The following EYA4 variants were observed in gnomAD, a reference collection of about 807,000 sequenced individuals.
EYA4 encodes protein phosphatase EYA4.
A neutral mutation model predicts 87.9 loss-of-function variants in EYA4; 31 were observed. That is an observed-to-expected ratio of 0.35 (90% CI 0.27 to 0.48). The LOEUF (loss-of-function observed/expected upper bound fraction) is 0.48. Ranked by LOEUF, EYA4 falls within the 20% of genes least tolerant of loss-of-function variation. The pLI, the probability that EYA4 is intolerant of heterozygous loss-of-function variation, is 0.99. For missense variants in EYA4, 678 were observed against 761.4 expected (o/e 0.89, Z 1.29); for synonymous variants, 263 against 270.6 (o/e 0.97, Z 0.28).
chr6:133,366,035 A>T (rs1471777651), intron 2 of EYA4, among the ~76,000 whole-genome samples: 3 of 152,212 alleles, frequency 2.0e-5, no homozygotes, highest in African/African-American at 7.2e-5. Context: ...ACAGTTTTAG[A>T]GGAGAGAAAC....
intron 13 of EYA4, among the ~76,000 whole-genome samples, chr6:133,492,209 ACAAAATACTAG>A (rs1562483572): frequency 6.6e-6 from 1 of 152,208 alleles, no homozygotes; most frequent in East Asian, 1.9e-4. Flanking sequence ...AAAATCCTCA[ACAAAATACTAG>A]CAAACTGAAT....
intron 2 of EYA4, among the ~76,000 whole-genome samples, chr6:133,310,682 G>A (rs1582917995): frequency 6.6e-6 from 1 of 152,252 alleles, no homozygotes; most frequent in East Asian, 1.9e-4. Flanking sequence ...AGGAGTCTTG[G>A]GGAAAACTAA....
intron 2 of EYA4, among the ~76,000 whole-genome samples, chr6:133,323,139 G>C (rs562057581): frequency 6.6e-6 from 1 of 151,478 alleles, no homozygotes; most frequent in Non-Finnish European, 1.5e-5. Flanking sequence ...TGAATAACAG[G>C]CTTTAAATTT....
chr6:133,300,377 A>G (rs1779308386), intron 2 of EYA4, among the ~76,000 whole-genome samples: 1 of 152,148 alleles, frequency 6.6e-6, no homozygotes, highest in Admixed American at 6.5e-5. Context: ...ATATTAATGT[A>G]ATGAGAGTAA....
intron 3 of EYA4, among the ~76,000 whole-genome samples, chr6:133,387,857 A>T (rs1285736122): frequency 6.6e-6 from 1 of 151,990 alleles, no homozygotes; most frequent in Non-Finnish European, 1.5e-5. Flanking sequence ...TCTTTTCATC[A>T]TTTTTGGCTG....
intron 2 of EYA4, among the ~76,000 whole-genome samples, chr6:133,364,917 G>A (rs1403763561): frequency 8.3e-4 from 126 of 152,294 alleles, no homozygotes; most frequent in Non-Finnish European, 1.9e-4. Context: ...GGCCCAGTTA[G>A]GGATCATCCT....
chr6:133,337,570 A>G (rs981196523), intron 2 of EYA4, among the ~76,000 whole-genome samples: 2 of 152,152 alleles, frequency 1.3e-5, no homozygotes, highest in African/African-American at 2.4e-5. Context: ...TGTCATTTGT[A>G]TATATTGGGT....
intron 3 of EYA4, among the ~76,000 whole-genome samples, chr6:133,445,747 T>A (rs972489394): frequency 6.6e-6 from 1 of 151,856 alleles, no homozygotes; most frequent in East Asian, 1.9e-4. Flanking sequence ...CCCGGCTGAT[T>A]TTTTTTGTAT....
chr6:133,472,541 G>A (rs1174627500), intron 11 of EYA4, among the ~76,000 whole-genome samples: 1 of 61,364 alleles, frequency 1.6e-5, no homozygotes, highest in Non-Finnish European at 2.7e-5. Flanking sequence ...GAATAGGTGT[G>A]GTGTGGTGCT....
chr6:133,407,980 A>G (rs185254150), intron 3 of EYA4, among the ~76,000 whole-genome samples: 1 of 152,288 alleles, frequency 6.6e-6, no homozygotes, highest in Non-Finnish European at 1.5e-5. Flanking sequence ...CCTGACTTAC[A>G]TTAAGAGCTG....
rs143967265 is a variant in EYA4 at position 133,439,988 on chromosome 6, C to T, written c.84-6642C>T. ...TTTGGACGATACACTTTTTACTGCA[C>T]AAGGGCTAACCTCACTTATTTTCTT... On this transcript the variant is annotated intron_variant, in intron 3 of 19. Coordinates refer to ENST00000355286, the MANE Select transcript of EYA4 (RefSeq NM_004100.5). Among the ~76,000 whole-genome samples, 430 of 152,326 alleles carry T rather than the reference C, an allele frequency of 2.8e-3. 3 individuals are homozygous for T. The highest frequency in any genetic ancestry group is 0.01 in the African/African-American group (416 of 41,572).
At chr6:133,348,642 G>A (rs1783404673) in intron 2 of EYA4, among the ~76,000 whole-genome samples, 1 of 152,046 alleles carries the variant, frequency 6.6e-6, no homozygotes, top group Non-Finnish European at 1.5e-5. Context: ...TTATAGGGAA[G>A]ATTCACACTT....
At chr6:133,407,957 G>C (rs993915842) in intron 3 of EYA4, among the ~76,000 whole-genome samples, 1 of 152,084 alleles carries the variant, frequency 6.6e-6, no homozygotes, top group South Asian at 2.1e-4. Context: ...AGTATGGGGG[G>C]AAGAAAAGGA....
chr6:133,252,091 T>A (rs1311122892), intron 1 of EYA4, among the ~76,000 whole-genome samples: 1 of 152,248 alleles, frequency 6.6e-6, no homozygotes, highest in Admixed American at 6.5e-5. Context: ...TAAATATTTA[T>A]TTGAATCATC....
intron 18 of EYA4, 44 bp downstream of exon 18, chr6:133,523,221 T>A (rs1315577085): frequency 6.3e-7 from 1 of 1,594,706 alleles, no homozygotes; most frequent in East Asian, 2.2e-5. Flanking sequence ...TGTCCACATC[T>A]GTGTGTCTCT....
intron 3 of EYA4, among the ~76,000 whole-genome samples, chr6:133,392,230 G>A (rs1266459481): frequency 6.6e-6 from 1 of 151,956 alleles, no homozygotes; most frequent in African/African-American, 2.4e-5. Context: ...CAATTCAAAT[G>A]CAAATTGCTT....
At chr6:133,419,250 A>T (rs1474523896) in intron 3 of EYA4, among the ~76,000 whole-genome samples, 2 of 152,182 alleles carry the variant, frequency 1.3e-5, no homozygotes, top group African/African-American at 4.8e-5. Flanking sequence ...ACCGTGAGGG[A>T]TGTATTTTCC....
chr6:133,402,751 A>G (rs953262787), intron 3 of EYA4, among the ~76,000 whole-genome samples: 1 of 151,994 alleles, frequency 6.6e-6, no homozygotes, highest in Non-Finnish European at 1.5e-5. Context: ...CAGCCAGGAG[A>G]AATAAAATGT....
chr6:133,391,222 G>T (rs12663040), intron 3 of EYA4, among the ~76,000 whole-genome samples: 22,959 of 88,756 alleles, frequency 0.26, 2,380 homozygotes, highest in Non-Finnish European at 0.36. Context: ...TTTTGTTTTT[G>T]TTTTTTTTTT....
Sources: allele counts gnomAD v4.1 joint callset (sites outside exome capture counted in the v4.1 genomes callset), GRCh38; gene constraint gnomAD v4.1.1; transcripts MANE v1.5; gene names NCBI Gene and HGNC (gene_info 2026-07-23, HGNC 2026-07-21).